The following SCAF8 variants were observed in gnomAD, a reference collection of about 807,000 sequenced individuals.
The protein encoded by SCAF8 is SR-related CTD associated factor 8.
Under a neutral mutation model 140.5 loss-of-function variants are expected in SCAF8, and 23 were observed. The ratio of observed to expected loss-of-function variants is 0.16; its 90% CI spans 0.12 to 0.23. SCAF8 has a LOEUF of 0.23. Among genes scored for constraint, SCAF8 ranks in the 10% least tolerant of loss-of-function variants. The probability of loss-of-function intolerance (pLI) is 1.00; values close to 1 mark genes in which losing one functional copy is unlikely to be tolerated. For missense variants in SCAF8, 1,397 were observed against 1,555.7 expected (o/e 0.90, Z 1.72); for synonymous variants, 575 against 528.9 (o/e 1.09, Z -1.20).
intron 1 of SCAF8, among the ~76,000 whole-genome samples, chr6:154,735,662 C>T (rs1027596077): frequency 6.6e-6 from 1 of 151,728 alleles, no homozygotes; most frequent in Non-Finnish European, 1.5e-5. Flanking sequence ...TACAGGCGCA[C>T]ATCACCACGC....
intron 2 of SCAF8, 42 bp downstream of exon 2, chr6:154,774,114 C>A: frequency 7.8e-7 from 1 of 1,277,800 alleles, no homozygotes; most frequent in Non-Finnish European, 1.1e-6. Context: ...AAAGAAAAAA[C>A]TATATTAATA....
chr6:154,816,346 TAAGTTGAGCATAACTC>T (rs1221022533), intron 13 of SCAF8, among the ~76,000 whole-genome samples: 2 of 152,338 alleles, frequency 1.3e-5, no homozygotes, highest in Non-Finnish European at 2.9e-5. Context: ...GAATTGCTAG[TAAGTTGAGCATAACTC>T]TTTCACTCTT....
At chr6:154,773,401 G>A (rs1230907023) in intron 1 of SCAF8, among the ~76,000 whole-genome samples, 1 of 151,828 alleles carries the variant, frequency 6.6e-6, no homozygotes, top group Non-Finnish European at 1.5e-5. Flanking sequence ...TTCTTTTTAT[G>A]GCTCATATTT....
chr6:154,748,264 T>C (rs1405068306), intron 1 of SCAF8, among the ~76,000 whole-genome samples: 2 of 152,178 alleles, frequency 1.3e-5, no homozygotes, highest in Admixed American at 1.3e-4. Context: ...TATGGAACTT[T>C]TAAAAAATAT....
At chr6:154,828,916 A>G (rs528409629) in intron 18 of SCAF8, among the ~76,000 whole-genome samples, 67 of 152,360 alleles carry the variant, frequency 4.4e-4, no homozygotes, top group Middle Eastern at 3.4e-3. Flanking sequence ...TTCATACAAT[A>G]TAGACATACA....
rs1022779256 is a variant in SCAF8 at position 154,827,843 on chromosome 6, G to C, written c.2140+603G>C. 4.0e-5 allele frequency among the ~76,000 whole-genome samples: 6 copies of C among 150,020 alleles called. No homozygotes were observed. In the East Asian group the frequency reaches 5.9e-4, roughly 15 times the overall value. On this transcript the variant is annotated intron_variant, in intron 18 of 19. Transcript: ENST00000367178. ...CTTTTTTGGGGCGGGGCGGGGGGGG[G>C]GGCGGTGTAAAACTTTATTTTTTAG...
At chr6:154,770,888 G>T (rs1027853637) in intron 1 of SCAF8, among the ~76,000 whole-genome samples, 7 of 152,080 alleles carry the variant, frequency 4.6e-5, no homozygotes, top group Non-Finnish European at 8.8e-5. Flanking sequence ...GGGATTACAG[G>T]CATTTACCAC....
chr6:154,778,073 C>G (rs762875730), intron 3 of SCAF8, 28 bp downstream of exon 3: 2 of 1,349,050 alleles, frequency 1.5e-6, no homozygotes, highest in East Asian at 4.7e-5. Flanking sequence ...CATACATGTG[C>G]TGTAATTGTA....
intron 1 of SCAF8, among the ~76,000 whole-genome samples, chr6:154,763,835 C>T (rs539155394): frequency 1.4e-4 from 21 of 152,166 alleles, no homozygotes; most frequent in Admixed American, 9.8e-4. Flanking sequence ...TGTTGGAACA[C>T]ACTGTGCTGA....
chr6:154,781,707 GGTTGTTTGTA>G (rs1178526706), intron 3 of SCAF8, among the ~76,000 whole-genome samples: 1 of 152,128 alleles, frequency 6.6e-6, no homozygotes, highest in Non-Finnish European at 1.5e-5. Context: ...GGTTCATCTG[GGTTGTTTGTA>G]GTTTTTGGTT....
chr6:154,779,559 T>A (rs1413613203), intron 3 of SCAF8, among the ~76,000 whole-genome samples: 2 of 152,180 alleles, frequency 1.3e-5, no homozygotes, highest in Non-Finnish European at 2.9e-5. Flanking sequence ...TGTTGACTGA[T>A]TTGATTTGTG....
At position 154,795,155 on chromosome 6, in the gene SCAF8, G is replaced by A; in HGVS notation, c.606+16G>A. On this transcript the variant is annotated intron_variant, in intron 6 of 19. Coordinates refer to ENST00000367178, the MANE Select transcript of SCAF8 (RefSeq NM_014892.5). The stretch of plus-strand genomic sequence containing the variant: ...AGGCCAGCAGGTGAGCGGTTTTTCT[G>A]TTATATCAAGAATAATTTAGAATTT... 7.9e-7 allele frequency: 1 copy of A among 1,263,520 alleles called. No homozygotes were observed. Among genetic ancestry groups the A allele is most frequent in the Non-Finnish European group, 1.1e-6 (1 of 919,244 alleles). The allele number at this position is 1,263,520 out of a possible 1,614,324, so 78.3% of individuals were successfully genotyped here.
At chr6:154,808,279 GC>G in intron 10 of SCAF8, 78 bp downstream of exon 10, 1 of 1,339,472 alleles carries the variant, frequency 7.5e-7, no homozygotes, top group Non-Finnish European at 1.0e-6. Context: ...TACTAGCAGT[GC>G]CCTGAATATA....
chr6:154,822,164 T>TA, intron 15 of SCAF8, 112 bp from the exon 16 acceptor site: 2 of 1,139,432 alleles, frequency 1.8e-6, no homozygotes, highest in Middle Eastern at 2.6e-4. Flanking sequence ...GGATATATCT[T>TA]AAAGATGTGC....
At chr6:154,765,112 G>A (rs1470351030) in intron 1 of SCAF8, among the ~76,000 whole-genome samples, 3 of 152,166 alleles carry the variant, frequency 2.0e-5, no homozygotes, top group Non-Finnish European at 4.4e-5. Context: ...AGCTTCTAAT[G>A]GGCCAGCATC....
intron 13 of SCAF8, among the ~76,000 whole-genome samples, chr6:154,816,433 A>T (rs960173668): frequency 2.6e-5 from 4 of 152,096 alleles, no homozygotes; most frequent in African/African-American, 9.7e-5. Flanking sequence ...TTTATTCTTC[A>T]TGAGGCCTGA....
chr6:154,779,392 C>G (rs1242034697), intron 3 of SCAF8, among the ~76,000 whole-genome samples: 1 of 152,246 alleles, frequency 6.6e-6, no homozygotes, highest in Non-Finnish European at 1.5e-5. Flanking sequence ...AGGAATTTAC[C>G]TAGAATTCTT....
At chr6:154,771,009 T>G (rs1299976013) in intron 1 of SCAF8, among the ~76,000 whole-genome samples, 2 of 152,130 alleles carry the variant, frequency 1.3e-5, no homozygotes, top group Non-Finnish European at 2.9e-5. Context: ...CCTCCCAAAG[T>G]GCTGGGATTA....
In SCAF8 at chr6:154,746,030, C is replaced by T. The variant is rs528425208; in HGVS notation, c.30+12100C>T. On this transcript the variant is annotated intron_variant, in intron 1 of 19. Coordinates refer to ENST00000367178, the MANE Select transcript of SCAF8 (RefSeq NM_014892.5). Reference sequence around the variant, plus strand: ...CCTCCTGACTAGCTGGGGCCACAGGCACACAACACCATGCCTGGATAATTT... The same window carrying T: ...CCTCCTGACTAGCTGGGGCCACAGGTACACAACACCATGCCTGGATAATTT... Among the ~76,000 whole-genome samples the T allele has an allele frequency of 2.0e-4, 30 of 152,180 alleles. No individual in the cohort carries two copies. The East Asian group carries it at 3.9e-3, about 20-fold the overall frequency.
Sources: gnomAD v4.1 joint callset for allele counts (sites outside exome capture counted in the v4.1 genomes callset) on GRCh38, gnomAD v4.1.1 for gene constraint, MANE v1.5 for transcripts, NCBI Gene and HGNC (gene_info 2026-07-23, HGNC 2026-07-21) for gene names.